The following SPRED1 variants were observed in gnomAD, a reference collection of about 807,000 sequenced individuals.
SPRED1 encodes sprouty-related, EVH1 domain-containing protein 1.
In SPRED1, 18 loss-of-function variants were observed where a neutral mutation model predicts 52.3. The observed-to-expected ratio is 0.34, with a 90% confidence interval of 0.24 to 0.51. The LOEUF (loss-of-function observed/expected upper bound fraction) is 0.51, where lower values mean the gene tolerates loss of function less well. Among genes scored for constraint, SPRED1 ranks in the 20% least tolerant of loss-of-function variants. The pLI is 0.97. For synonymous variants in SPRED1, 155 were observed against 179.7 expected (o/e 0.86, Z 1.10); for missense variants, 485 against 551.0 (o/e 0.88, Z 1.20).
intron 6 of SPRED1, among the ~76,000 whole-genome samples, chr15:38,349,965 A>G (rs1451420342): frequency 6.6e-6 from 1 of 152,154 alleles, no homozygotes; most frequent in Non-Finnish European, 1.5e-5. Context: ...GGATGATGTA[A>G]GGGGTCAAAA....
intron 1 of SPRED1, among the ~76,000 whole-genome samples, chr15:38,275,598 A>G (rs558377561): frequency 6.6e-5 from 10 of 152,236 alleles, no homozygotes; most frequent in African/African-American, 2.4e-4. Context: ...CCCAGGTTCA[A>G]TCAATTCCCG....
chr15:38,293,344 T>C (rs8041894), intron 1 of SPRED1, among the ~76,000 whole-genome samples: 145,659 of 152,040 alleles, frequency 0.96, 70,055 homozygotes, highest in East Asian at 1. Context: ...GTGATCCACC[T>C]GCCTCGGCCT....
At position 38,264,234 on chromosome 15, in the gene SPRED1, C is replaced by A. The variant is rs923332400; in HGVS notation, c.32+11017C>A. Among the ~76,000 whole-genome samples the A allele has an allele frequency of 3.3e-5, 5 of 152,128 alleles. No individual in the cohort carries two copies. The East Asian group carries it at 9.6e-4, about 29-fold the overall frequency. ...GACTCATGAAAGGTTTAGTAACTTG[C>A]CATGGCCACGCAAGAGAGTAAAGTG... On this transcript the variant is annotated intron_variant, in intron 1 of 6. Transcript: ENST00000299084.
At chr15:38,288,739 C>T (rs8029219) in intron 1 of SPRED1, among the ~76,000 whole-genome samples, 125,553 of 152,098 alleles carry the variant, frequency 0.83, 52,574 homozygotes, top group Non-Finnish European at 0.9. Flanking sequence ...TATAAGATTT[C>T]ATATTGCCAG....
At chr15:38,305,141 C>T (rs887946717) in intron 2 of SPRED1, among the ~76,000 whole-genome samples, 30 of 151,970 alleles carry the variant, frequency 2.0e-4, no homozygotes, top group African/African-American at 7.2e-4. Flanking sequence ...CCAGCCTGGC[C>T]AACATGGTGA....
At chr15:38,336,850 G>A (rs1026813300) in intron 4 of SPRED1, among the ~76,000 whole-genome samples, 18 of 152,108 alleles carry the variant, frequency 1.2e-4, no homozygotes, top group Non-Finnish European at 2.6e-4. Context: ...CTGTTTGGGT[G>A]ATGGGTGCAC....
intron 1 of SPRED1, among the ~76,000 whole-genome samples, chr15:38,278,722 A>T (rs1417448191): frequency 6.6e-6 from 1 of 151,618 alleles, no homozygotes; most frequent in Non-Finnish European, 1.5e-5. Flanking sequence ...AATACAATGC[A>T]AATGCTGTGT....
chr15:38,339,947 A>G lies in SPRED1; in HGVS notation c.582+52A>G, dbSNP rs7181472. 1,584,898 of 1,610,878 alleles carry G rather than the reference A, an allele frequency of 0.98. 783,057 individuals are homozygous for G. Among genetic ancestry groups the G allele is most frequent in the East Asian group, 1 (44,685 of 44,688 alleles). ...GCGTTGTTTATATGTGTAGAAATTGAATGATGTCATAGATAAGGACGTTAA... is the reference window on the plus strand; with the variant it reads ...GCGTTGTTTATATGTGTAGAAATTGGATGATGTCATAGATAAGGACGTTAA... On this transcript the variant is annotated intron_variant, in intron 5 of 6. Transcript: ENST00000299084.
intron 1 of SPRED1, among the ~76,000 whole-genome samples, chr15:38,270,514 G>A (rs531628538): frequency 6.6e-6 from 1 of 152,264 alleles, no homozygotes; most frequent in African/African-American, 2.4e-5. Context: ...AGCTTGGCAG[G>A]GAGGCCTCAG....
intron 5 of SPRED1, among the ~76,000 whole-genome samples, chr15:38,344,476 C>T (rs1896090984): frequency 6.6e-6 from 1 of 152,116 alleles, no homozygotes; most frequent in South Asian, 2.1e-4. Flanking sequence ...AGAATGTAGT[C>T]ATCAGGTAGA....
At chr15:38,286,209 C>A (rs1381531550) in intron 1 of SPRED1, among the ~76,000 whole-genome samples, 2 of 120,526 alleles carry the variant, frequency 1.7e-5, no homozygotes, top group African/African-American at 3.1e-5. Context: ...ATGATCATGC[C>A]AACCGCACTC....
chr15:38,260,143 A>G (rs1164449908), intron 1 of SPRED1, among the ~76,000 whole-genome samples: 1 of 152,260 alleles, frequency 6.6e-6, no homozygotes, highest in Admixed American at 6.5e-5. Flanking sequence ...GGTGGCTTAA[A>G]AAGCAACAAC....
chr15:38,311,290 A>C (rs1185436544), intron 2 of SPRED1, among the ~76,000 whole-genome samples: 1 of 152,160 alleles, frequency 6.6e-6, no homozygotes, highest in Non-Finnish European at 1.5e-5. Flanking sequence ...CATGGTGTAT[A>C]ATTTTTGATA....
At chr15:38,314,341 A>G (rs1403343) in intron 2 of SPRED1, among the ~76,000 whole-genome samples, 13,755 of 151,866 alleles carry the variant, frequency 0.091, 745 homozygotes, top group East Asian at 0.21. Context: ...TTCTTGCCTA[A>G]TAAAAATGTA....
In SPRED1 at chr15:38,322,314, T is replaced by C. The variant is rs761473300; in HGVS notation, c.281T>C (p.Ile94Thr). 2.9e-5 allele frequency: 47 copies of C among 1,613,798 alleles called. No individual in the cohort carries two copies. Among genetic ancestry groups the C allele is most frequent in the Non-Finnish European group, 3.8e-5 (45 of 1,179,894 alleles). Reference sequence around the variant, plus strand: ...ACTCCAACATTTCACCACTGGAAGATTGATGACAAGAAGTTTGGTCTTACG... The same window carrying C: ...ACTCCAACATTTCACCACTGGAAGACTGATGACAAGAAGTTTGGTCTTACG... ...KVTPTFHHWKIDDKKFGLTFQ... is the reference protein window; with the variant it reads ...KVTPTFHHWKTDDKKFGLTFQ... Residue 94 changes from isoleucine to threonine, a missense_variant, in exon 3 of 7, where the codon ATT becomes ACT. Transcript: ENST00000299084.
chr15:38,291,465 G>A (rs1287204666), intron 1 of SPRED1, among the ~76,000 whole-genome samples: 2 of 152,234 alleles, frequency 1.3e-5, no homozygotes, highest in South Asian at 2.1e-4. Flanking sequence ...ACTCTGTGTC[G>A]GGGCTCTGAC....
rs1028606091 is a variant in SPRED1, at chr15:38,353,310, T to G, written c.*1646T>G. 6.1e-5 allele frequency: 9 copies of G among 146,876 alleles called. No individual in the cohort carries two copies. The highest frequency in any genetic ancestry group is 1.2e-4 in the Non-Finnish European group (8 of 65,158). 9.1% of individuals were successfully genotyped at this position (146,876 alleles called of 1,614,324 possible). ...TTTTGCCCCAGATCAAACTGAACAA[T>G]GTATATAACACTATCTGTCTGTAAA... On this transcript the variant is annotated 3_prime_UTR_variant, in exon 7 of 7. Coordinates refer to ENST00000299084, the MANE Select transcript of SPRED1 (RefSeq NM_152594.3).
chr15:38,322,610 C>T (rs760108275), intron 3 of SPRED1, among the ~76,000 whole-genome samples: 8 of 152,112 alleles, frequency 5.3e-5, no homozygotes, highest in Non-Finnish European at 1.0e-4. Context: ...ACATCATAGT[C>T]TATGTCAATT....
intron 1 of SPRED1, among the ~76,000 whole-genome samples, chr15:38,263,824 T>A: frequency 6.6e-6 from 1 of 151,998 alleles, no homozygotes; most frequent in Non-Finnish European, 1.5e-5. Flanking sequence ...AAAAAACGAA[T>A]CACAAAAAAA....
Sources: allele counts gnomAD v4.1 joint callset (sites outside exome capture counted in the v4.1 genomes callset), GRCh38; gene constraint gnomAD v4.1.1; transcripts MANE v1.5; gene names NCBI Gene and HGNC (gene_info 2026-07-23, HGNC 2026-07-21).